Variants in FANK1 observed in about 807,000 individuals in gnomAD.
FANK1 encodes the protein fibronectin type III and ankyrin repeat domains 1, also known as fibronectin type 3 and ankyrin repeat domains protein 1.
In FANK1, 44 loss-of-function variants were observed where a neutral mutation model predicts 45.3. The ratio of observed to expected loss-of-function variants is 0.97; its 90% CI spans 0.76 to 1.25. The LOEUF is 1.25. Among genes scored for constraint, FANK1 ranks in the 50% most tolerant of loss-of-function variants. The pLI is 0.00. For synonymous variants in FANK1, 149 were observed against 152.5 expected, an observed-to-expected ratio of 0.98 and a Z score of 0.17; for missense variants, 391 against 424.4, an observed-to-expected ratio of 0.92 and a Z score of 0.69.
At chr10:125,899,220 C>T (rs1944838847) in intron 1 of FANK1, among the ~76,000 whole-genome samples, 1 of 152,356 alleles carries the variant, frequency 6.6e-6, no homozygotes, top group Non-Finnish European at 1.5e-5. Flanking sequence ...GCCACCATGC[C>T]TGGCTAATTT....
chr10:125,922,925 C>T (rs374981065), intron 1 of FANK1, among the ~76,000 whole-genome samples: 1 of 152,026 alleles, frequency 6.6e-6, no homozygotes, highest in Non-Finnish European at 1.5e-5. Context: ...TTATTTTAAC[C>T]TTATAAAATG....
intron 1 of FANK1, among the ~76,000 whole-genome samples, chr10:125,911,805 C>T (rs2134115849): frequency 1.3e-5 from 2 of 152,294 alleles, no homozygotes; most frequent in East Asian, 3.9e-4. Context: ...TTAGAAGCTC[C>T]TTCAGAGTTA....
At chr10:125,969,714 G>T (rs11244735) in intron 1 of FANK1, among the ~76,000 whole-genome samples, 3,223 of 152,130 alleles carry the variant, frequency 0.021, 134 homozygotes, top group African/African-American at 0.073. Context: ...GTGGAGAGAA[G>T]GTCAGCAGAT....
intron 1 of FANK1, among the ~76,000 whole-genome samples, chr10:125,947,234 T>C (rs1199428760): frequency 6.6e-6 from 1 of 151,780 alleles, no homozygotes; most frequent in Non-Finnish European, 1.5e-5. Flanking sequence ...GCTAACATCA[T>C]AATGACAGGA....
chr10:125,922,237 A>G (rs1946995952), intron 1 of FANK1, among the ~76,000 whole-genome samples: 1 of 152,216 alleles, frequency 6.6e-6, no homozygotes, highest in Non-Finnish European at 1.5e-5. Flanking sequence ...GAAATGTTCT[A>G]GATTCCTAGT....
At chr10:125,982,843 C>G (rs1951306262) in intron 2 of FANK1, among the ~76,000 whole-genome samples, 1 of 151,862 alleles carries the variant, frequency 6.6e-6, no homozygotes, top group African/African-American at 2.4e-5. Context: ...TTATTTCTGT[C>G]TAGCTCATTT....
At chr10:125,958,985 G>A (rs999530449) in intron 1 of FANK1, among the ~76,000 whole-genome samples, 11 of 152,054 alleles carry the variant, frequency 7.2e-5, no homozygotes, top group Non-Finnish European at 1.6e-4. Flanking sequence ...TCAAAGGCAC[G>A]GCATCAAAAT....
intron 1 of FANK1, chr10:125,972,318 T>C (rs1258698345): frequency 1.3e-5 from 2 of 152,194 alleles, no homozygotes; most frequent in Admixed American, 1.3e-4. Flanking sequence ...ATTGTCATAG[T>C]AATGTTTGCA....
intron 1 of FANK1, among the ~76,000 whole-genome samples, chr10:125,902,671 G>A (rs1945142283): frequency 6.6e-6 from 1 of 152,116 alleles, no homozygotes; most frequent in Admixed American, 6.6e-5. Flanking sequence ...ATTCTATCCG[G>A]TAAGAATAAG....
chr10:125,954,983 C>T (rs1949488096), intron 1 of FANK1, among the ~76,000 whole-genome samples: 1 of 151,968 alleles, frequency 6.6e-6, no homozygotes, highest in Non-Finnish European at 1.5e-5. Flanking sequence ...AACTAAAAGA[C>T]AGTTTTAAAA....
At chr10:125,946,316 C>T (rs1445962450) in intron 1 of FANK1, among the ~76,000 whole-genome samples, 2,333 of 148,196 alleles carry the variant, frequency 0.016, 59 homozygotes, top group African/African-American at 0.054. Flanking sequence ...CTCTGAGCTA[C>T]GGGAGGACAT....
At chr10:125,964,166 G>T in intron 1 of FANK1, among the ~76,000 whole-genome samples, 1 of 142,394 alleles carries the variant, frequency 7.0e-6, no homozygotes, top group East Asian at 2.1e-4. Flanking sequence ...ATATTATGTA[G>T]ATTATATCAT....
At position 125,959,474 on chromosome 10, in the gene FANK1, C is replaced by A. The variant is rs148540844; in HGVS notation, c.14-20687C>A. ...ATTTAGGTACAACCACAACTACAAGCAGAAAAACTTAAGAATACAAAGACT... is the reference window on the plus strand; with the variant it reads ...ATTTAGGTACAACCACAACTACAAGAAGAAAAACTTAAGAATACAAAGACT... On this transcript the variant is annotated intron_variant, in intron 1 of 10. Coordinates refer to ENST00000368693, the MANE Select transcript of FANK1 (RefSeq NM_145235.5). Among the ~76,000 whole-genome samples the A allele has an allele frequency of 7.7e-4, 112 of 145,150 alleles. No homozygotes were observed. The South Asian group carries it at 0.01, about 13-fold the overall frequency.
chr10:125,995,105 T>G, intron 3 of FANK1: 3 of 277,310 alleles, frequency 1.1e-5, no homozygotes, highest in Non-Finnish European at 1.6e-5. Flanking sequence ...TCCTTGCTTG[T>G]AGGAGACATT....
At chr10:125,958,246 T>C (rs78730299) in intron 1 of FANK1, among the ~76,000 whole-genome samples, 1 of 152,216 alleles carries the variant, frequency 6.6e-6, no homozygotes, top group South Asian at 2.1e-4. Context: ...TTCTCTTTTT[T>C]ACTTCTGTGT....
At position 125,989,333 on chromosome 10, in the gene FANK1, C is replaced by T. The variant is rs551603483; in HGVS notation, c.316+658C>T. On this transcript the variant is annotated intron_variant, in intron 3 of 10. Coordinates refer to ENST00000368693, the MANE Select transcript of FANK1 (RefSeq NM_145235.5). The stretch of plus-strand genomic sequence containing the variant: ...AATTAGGATGGTCACAAGTGTTCTC[C>T]ACGGCCCACCCACTGAAAACACAGG... The T allele has an allele frequency of 4.1e-5, 63 of 1,551,168 alleles. No homozygotes were observed. The South Asian group carries it at 6.8e-4, about 17-fold the overall frequency.
intron 1 of FANK1, among the ~76,000 whole-genome samples, chr10:125,967,041 A>G (rs1055061385): frequency 2.6e-5 from 4 of 152,288 alleles, no homozygotes; most frequent in African/African-American, 9.6e-5. Context: ...CACACTTTTA[A>G]TGACTAAATA....
chr10:125,944,765 G>T (rs1248761446), intron 1 of FANK1, among the ~76,000 whole-genome samples: 2 of 152,130 alleles, frequency 1.3e-5, no homozygotes, highest in Non-Finnish European at 2.9e-5. Context: ...CTTTAATTCG[G>T]CCCATCCCTT....
intron 1 of FANK1, among the ~76,000 whole-genome samples, chr10:125,954,847 G>A (rs112321297): frequency 0.013 from 1,974 of 152,190 alleles, 41 homozygotes; most frequent in African/African-American, 0.045. Flanking sequence ...CTTGAGCATA[G>A]GAGGCAGAGG....
Sources: gnomAD v4.1 joint callset for allele counts (sites outside exome capture counted in the v4.1 genomes callset) on GRCh38, gnomAD v4.1.1 for gene constraint, MANE v1.5 for transcripts, NCBI Gene and HGNC (gene_info 2026-07-23, HGNC 2026-07-21) for gene names.